PPEF1: variants seen among roughly 807,000 people sequenced by gnomAD.
PPEF1 encodes the protein protein phosphatase with EF-hand domain 1.
Under a neutral mutation model 53.3 loss-of-function variants are expected in PPEF1, and 12 were observed. The observed-to-expected ratio is 0.23, with a 90% CI of 0.14 to 0.36. The LOEUF is 0.36. Among genes scored for constraint, PPEF1 ranks in the 10% least tolerant of loss-of-function variants. The pLI is 1.00. For synonymous variants in PPEF1, 165 were observed against 176.7 expected, an observed-to-expected ratio of 0.93 and a Z score of 0.52; for missense variants, 334 against 490.4, an observed-to-expected ratio of 0.68 and a Z score of 3.01.
intron 13 of PPEF1, among the ~76,000 whole-genome samples, chrX:18,823,104 C>CT (rs1368968554): frequency 1.8e-5 from 2 of 111,446 alleles, no homozygotes; most frequent in African/African-American, 6.5e-5. Flanking sequence ...TATATAGACA[C>CT]TTGAAGGTCC....
chrX:18,732,462 C>G (rs781251390), intron 2 of PPEF1, among the ~76,000 whole-genome samples: 14 of 112,147 alleles, frequency 1.2e-4, no homozygotes, highest in Non-Finnish European at 1.9e-4. Flanking sequence ...ATCGTTTTAC[C>G]TTCCCACCAG....
upstream of PPEF1, among the ~76,000 whole-genome samples, chrX:18,703,232 GA>G (rs2044124087): frequency 9.0e-6 from 1 of 110,957 alleles, no homozygotes; most frequent in African/African-American, 3.3e-5. Context: ...TGGTGAGAAT[GA>G]AAAAGAACTG....
intron 3 of PPEF1, among the ~76,000 whole-genome samples, chrX:18,690,721 G>T (rs1056918603): frequency 1.6e-4 from 18 of 112,103 alleles, no homozygotes; most frequent in African/African-American, 5.5e-4. Context: ...ACTTTTCTTT[G>T]TTTACCATGT....
intron 3 of PPEF1, chrX:18,686,305 A>G (rs1303352851): frequency 9.0e-6 from 1 of 110,992 alleles, no homozygotes; most frequent in Non-Finnish European, 1.9e-5. Context: ...GCCCTTCCCC[A>G]TGTATCAATT....
At chrX:18,810,238 A>G (rs1487973891) in intron 12 of PPEF1, among the ~76,000 whole-genome samples, 1 of 109,940 alleles carries the variant, frequency 9.1e-6, no homozygotes, top group African/African-American at 3.3e-5. Flanking sequence ...AATCTGAAAA[A>G]CAACATACCA....
chrX:18,744,135 C>G (rs1487178165), intron 3 of PPEF1, among the ~76,000 whole-genome samples: 1 of 111,511 alleles, frequency 9.0e-6, no homozygotes, highest in Non-Finnish European at 1.9e-5. Context: ...AGGTGATCCA[C>G]CCGCCTCGGC....
intron 1 of PPEF1, among the ~76,000 whole-genome samples, chrX:18,676,837 C>G (rs1037687273): frequency 9.0e-6 from 1 of 111,283 alleles, no homozygotes; most frequent in Non-Finnish European, 1.9e-5. Flanking sequence ...AGTTCCCACA[C>G]TTAACCTCTG....
rs1026280512 is a variant in PPEF1 at position 18,732,292 on chromosome X, G to A, written c.175-1456G>A. Among the ~76,000 whole-genome samples the A allele has an allele frequency of 6.2e-5, 7 of 112,410 alleles. No homozygotes were observed. The East Asian group carries it at 1.7e-3, about 27-fold the overall frequency. ...GATCATTTGGGTTGTTCCACCTTTT[G>A]GCTATTATGAATAATGCTGCTGTGA... On this transcript the variant is annotated intron_variant, in intron 2 of 15. Coordinates refer to ENST00000470157, the MANE Select transcript of PPEF1 (RefSeq NM_001377996.1).
intron 6 of PPEF1, among the ~76,000 whole-genome samples, chrX:18,761,853 G>A (rs1014283024): frequency 1.2e-4 from 13 of 110,213 alleles, no homozygotes; most frequent in South Asian, 3.8e-4. Flanking sequence ...TGTCTTTATC[G>A]CATCATAAAT....
intron 8 of PPEF1, among the ~76,000 whole-genome samples, chrX:18,783,692 C>T (rs894203682): frequency 4.8e-5 from 5 of 103,952 alleles, no homozygotes; most frequent in African/African-American, 1.7e-4. Flanking sequence ...CACTCCAATG[C>T]GCAACAGAGC....
At chrX:18,740,070 C>T (rs1291641728) in intron 3 of PPEF1, among the ~76,000 whole-genome samples, 1 of 112,459 alleles carries the variant, frequency 8.9e-6, no homozygotes, top group Non-Finnish European at 1.9e-5. Context: ...ATTCCCCGAC[C>T]CCTTGCCCTT....
chrX:18,720,278 T>G (rs763310838), intron 1 of PPEF1, among the ~76,000 whole-genome samples: 20 of 111,839 alleles, frequency 1.8e-4, no homozygotes, highest in African/African-American at 6.2e-4. Flanking sequence ...AATTATACTA[T>G]CTTTACTTTT....
At chrX:18,757,007 C>T (rs755612978) in intron 4 of PPEF1, among the ~76,000 whole-genome samples, 5 of 110,812 alleles carry the variant, frequency 4.5e-5, no homozygotes, top group Admixed American at 1.9e-4. Context: ...ACCAGGAGTT[C>T]GAGACCAGCC....
At chrX:18,798,133 A>G (rs112182106) in intron 10 of PPEF1, among the ~76,000 whole-genome samples, 8,144 of 110,482 alleles carry the variant, frequency 0.074, 755 homozygotes, top group African/African-American at 0.26. Context: ...CCAGGTGGGA[A>G]TGCAGTAGTG....
intron 10 of PPEF1, among the ~76,000 whole-genome samples, chrX:18,795,650 C>T (rs1173431222): frequency 8.9e-6 from 1 of 111,802 alleles, no homozygotes; most frequent in African/African-American, 3.3e-5. Flanking sequence ...ATTTCCAGTC[C>T]TACATTTTAA....
At chrX:18,793,069 T>G (rs1397064569) in intron 10 of PPEF1, among the ~76,000 whole-genome samples, 3 of 108,347 alleles carry the variant, frequency 2.8e-5, no homozygotes, top group Non-Finnish European at 5.7e-5. Context: ...TTCTGCTTGT[T>G]TTGGGTTTAG....
rs1181482545 is a variant in PPEF1 at position 18,775,040 on chromosome X, A to ATAT, written c.559-3967_559-3965dup. ...TGATTTTGAAATGCTTATTATTGGC[A>ATAT]TATTAAGTCTCTTGGCTTTGAATGC... is the stretch of plus-strand genomic sequence containing the variant. On this transcript the variant is annotated intron_variant, in intron 6 of 15. Coordinates refer to ENST00000470157, the MANE Select transcript of PPEF1 (RefSeq NM_001377996.1). Among the ~76,000 whole-genome samples, 3 of 110,111 alleles carry ATAT rather than the reference A, an allele frequency of 2.7e-5. No homozygotes were observed. In the Admixed American group the frequency reaches 2.9e-4, roughly 11 times the overall value.
intron 12 of PPEF1, among the ~76,000 whole-genome samples, chrX:18,809,101 A>ATCTG (rs762677735): frequency 0.068 from 7,163 of 105,384 alleles, 539 homozygotes; most frequent in African/African-American, 0.21. Context: ...ATATCTATCT[A>ATCTG]TCTATCTATC....
chrX:18,705,289 G>A (rs1602360130), upstream of PPEF1, among the ~76,000 whole-genome samples: 2 of 112,295 alleles, frequency 1.8e-5, no homozygotes, highest in East Asian at 2.8e-4. Context: ...TGAAGGTAAC[G>A]GATCTGTGGT....
Sources: gnomAD v4.1 joint callset for allele counts (sites outside exome capture counted in the v4.1 genomes callset) on GRCh38, gnomAD v4.1.1 for gene constraint, MANE v1.5 for transcripts, NCBI Gene and HGNC (gene_info 2026-07-23, HGNC 2026-07-21) for gene names.